Variants in SLIT3 observed in about 807,000 individuals in gnomAD.
The protein encoded by SLIT3 is slit homolog 3 protein.
In SLIT3, 68 loss-of-function variants were observed where a neutral mutation model predicts 184.0. The ratio of observed to expected loss-of-function variants is 0.37; its 90% confidence interval spans 0.30 to 0.45. The LOEUF is 0.45. SLIT3 is among the 20% of genes least tolerant of loss of function. The pLI, the probability that SLIT3 is intolerant of heterozygous loss-of-function variation, is 1.00. For synonymous variants in SLIT3, 831 were observed against 828.6 expected (o/e 1.00, Z -0.05); for missense variants, 1,707 against 2,026.0 (o/e 0.84, Z 3.02).
In SLIT3 at chr5:169,244,532, T is replaced by C. The variant is rs542093347; in HGVS notation, c.341+173A>G. ...AAAGGAGTGTAAGTGGATCTCAGTG[T>C]TTCTTTAACATGCATCTAATGTGCC... On this transcript the variant is annotated intron_variant, in intron 3 of 35. Transcript: ENST00000519560. Among the ~76,000 whole-genome samples, 76 of 152,288 alleles carry C rather than the reference T, an allele frequency of 5.0e-4. No homozygotes were observed. In the South Asian group the frequency reaches 0.012, roughly 25 times the overall value.
intron 3 of SLIT3, among the ~76,000 whole-genome samples, chr5:169,211,890 G>T (rs1400560719): frequency 1.3e-5 from 2 of 152,066 alleles, no homozygotes; most frequent in Non-Finnish European, 2.9e-5. Context: ...TGTGGTGTTT[G>T]GTTTTCTGTT....
intron 8 of SLIT3, among the ~76,000 whole-genome samples, chr5:168,810,435 G>A (rs1757122749): frequency 6.6e-6 from 1 of 152,166 alleles, no homozygotes; most frequent in Non-Finnish European, 1.5e-5. Context: ...GTTATAAGAT[G>A]TTTTGATTAG....
intron 4 of SLIT3, among the ~76,000 whole-genome samples, chr5:168,902,561 C>T (rs1256277284): frequency 1.3e-5 from 2 of 152,142 alleles, no homozygotes; most frequent in Non-Finnish European, 2.9e-5. Flanking sequence ...CTGATGCAGC[C>T]GTTCTCAAAG....
At chr5:168,884,835 A>G (rs1027226180) in intron 4 of SLIT3, among the ~76,000 whole-genome samples, 2 of 151,884 alleles carry the variant, frequency 1.3e-5, no homozygotes, top group African/African-American at 2.4e-5. Flanking sequence ...TTGTCTAACT[A>G]TCTCCTTGGT....
chr5:169,254,183 A>G (rs902111592), intron 1 of SLIT3, among the ~76,000 whole-genome samples: 1 of 152,200 alleles, frequency 6.6e-6, no homozygotes, highest in Non-Finnish European at 1.5e-5. Flanking sequence ...CTTGCAGGCC[A>G]TAGGATGATG....
At chr5:168,976,736 G>T (rs1177467552) in intron 4 of SLIT3, among the ~76,000 whole-genome samples, 1 of 152,146 alleles carries the variant, frequency 6.6e-6, no homozygotes, top group African/African-American at 2.4e-5. Context: ...TTCCATGTTT[G>T]GATCACAGTA....
intron 3 of SLIT3, among the ~76,000 whole-genome samples, chr5:169,222,049 C>T (rs1347318642): frequency 6.6e-6 from 1 of 152,138 alleles, no homozygotes; most frequent in Non-Finnish European, 1.5e-5. Flanking sequence ...ACTCAAAAGC[C>T]CTTGGCTTAC....
At chr5:169,008,521 A>T (rs1756015326) in intron 4 of SLIT3, among the ~76,000 whole-genome samples, 2 of 152,228 alleles carry the variant, frequency 1.3e-5, no homozygotes, top group Admixed American at 6.5e-5. Context: ...TAAGACCTGC[A>T]GTCCCGGCTA....
intron 4 of SLIT3, among the ~76,000 whole-genome samples, chr5:168,918,537 C>A (rs957824098): frequency 6.6e-5 from 10 of 152,154 alleles, no homozygotes; most frequent in Non-Finnish European, 1.0e-4. Context: ...GGTTTGTGAA[C>A]CCGATTTGTG....
At chr5:168,823,514 CTTTT>C (rs1240326250) in intron 6 of SLIT3, among the ~76,000 whole-genome samples, 183 bp from the exon 7 acceptor site, 3 of 152,102 alleles carry the variant, frequency 2.0e-5, no homozygotes, top group African/African-American at 7.2e-5. Context: ...CATGCCCTGA[CTTTT>C]TTATTCAGGT....
At chr5:168,844,789 C>G in intron 5 of SLIT3, 134 bp from the exon 6 acceptor site, 1 of 693,668 alleles carries the variant, frequency 1.4e-6, no homozygotes, top group Non-Finnish European at 2.6e-6. Context: ...TCGTGCAGAG[C>G]CAGCCTGTCT....
intron 3 of SLIT3, among the ~76,000 whole-genome samples, chr5:169,211,281 G>T (rs1401105612): frequency 6.6e-6 from 1 of 152,104 alleles, no homozygotes; most frequent in African/African-American, 2.4e-5. Flanking sequence ...GAGGGATTGG[G>T]GTCTCATGAC....
At chr5:168,960,118 T>C (rs1316244988) in intron 4 of SLIT3, among the ~76,000 whole-genome samples, 2 of 152,164 alleles carry the variant, frequency 1.3e-5, no homozygotes, top group African/African-American at 4.8e-5. Flanking sequence ...TGTAGCATGG[T>C]CAAATGACTG....
At chr5:168,856,430 C>T (rs754355816) in intron 5 of SLIT3, among the ~76,000 whole-genome samples, 5 of 152,086 alleles carry the variant, frequency 3.3e-5, no homozygotes, top group African/African-American at 9.7e-5. Context: ...AAGAGCAATG[C>T]GAATGAAGGA....
intron 4 of SLIT3, among the ~76,000 whole-genome samples, chr5:169,141,329 T>C (rs1319002707): frequency 6.6e-6 from 1 of 152,154 alleles, no homozygotes. Context: ...GGATCTTAAT[T>C]CTGCCTCTTT....
At chr5:169,259,386 G>A (rs1258417805) in intron 1 of SLIT3, among the ~76,000 whole-genome samples, 2 of 152,186 alleles carry the variant, frequency 1.3e-5, no homozygotes, top group Non-Finnish European at 2.9e-5. Context: ...ACAGCATTCA[G>A]AGTGGTTAAT....
intron 6 of SLIT3, among the ~76,000 whole-genome samples, chr5:168,841,102 C>A (rs1758230858): frequency 6.6e-6 from 1 of 152,224 alleles, no homozygotes; most frequent in Non-Finnish European, 1.5e-5. Context: ...TTCACACCAC[C>A]CTGCAGCCCA....
chr5:168,818,755 G>C (rs1486362427), intron 7 of SLIT3, among the ~76,000 whole-genome samples: 1 of 152,206 alleles, frequency 6.6e-6, no homozygotes, highest in African/African-American at 2.4e-5. Flanking sequence ...CTTAGTGTAA[G>C]GTCAACATTG....
intron 4 of SLIT3, among the ~76,000 whole-genome samples, chr5:169,034,816 G>A (rs933811496): frequency 1.6e-4 from 24 of 149,580 alleles, no homozygotes; most frequent in Non-Finnish European, 1.2e-4. Flanking sequence ...TGCAATCACT[G>A]CTTACTGCAG....
Sources: gnomAD v4.1 joint callset for allele counts (sites outside exome capture counted in the v4.1 genomes callset) on GRCh38, gnomAD v4.1.1 for gene constraint, MANE v1.5 for transcripts, NCBI Gene and HGNC (gene_info 2026-07-23, HGNC 2026-07-21) for gene names.